The following SRGN variants were observed in gnomAD, a reference collection of about 807,000 sequenced individuals.
SRGN encodes serglycin.
A neutral mutation model predicts 9.5 loss-of-function variants in SRGN; 2 were observed. The observed-to-expected ratio is 0.21, with a 90% CI of 0.09 to 0.66. SRGN has a LOEUF of 0.66. Among genes scored for constraint, SRGN ranks in the 30% least tolerant of loss-of-function variants. SRGN has a pLI of 0.83. For missense variants in SRGN, 170 were observed against 192.4 expected, an observed-to-expected ratio of 0.88 and a Z score of 0.69; for synonymous variants, 59 against 72.3, an observed-to-expected ratio of 0.82 and a Z score of 0.93.
intron 1 of SRGN, among the ~76,000 whole-genome samples, chr10:69,090,096 A>T (rs961598223): frequency 2.0e-5 from 3 of 152,200 alleles, no homozygotes; most frequent in Admixed American, 6.5e-5. Flanking sequence ...GGCTCTCAGT[A>T]TCGGGCTCAA....
At chr10:69,097,766 C>T (rs1840208909) in intron 2 of SRGN, among the ~76,000 whole-genome samples, 9 of 152,088 alleles carry the variant, frequency 5.9e-5, no homozygotes, top group Admixed American at 5.2e-4. Flanking sequence ...CTTTCATCAT[C>T]TTGGCCAGGC....
chr10:69,092,439 T>C (rs1163433760), intron 1 of SRGN, among the ~76,000 whole-genome samples: 2 of 152,204 alleles, frequency 1.3e-5, no homozygotes, highest in African/African-American at 4.8e-5. Context: ...TATAAAATTT[T>C]AAAATAGCTT....
chr10:69,094,397 T>C (rs1281259758), intron 1 of SRGN, among the ~76,000 whole-genome samples: 7 of 152,196 alleles, frequency 4.6e-5, no homozygotes, highest in African/African-American at 1.7e-4. Flanking sequence ...TTAATGTTTA[T>C]GTTTTTAGAG....
At chr10:69,097,445 G>A (rs1294710201) in intron 2 of SRGN, among the ~76,000 whole-genome samples, 14 of 20,738 alleles carry the variant, frequency 6.8e-4, no homozygotes, top group Non-Finnish European at 1.9e-3. Flanking sequence ...TTTTTTTTTT[G>A]AGACGGAGTC....
At chr10:69,091,993 T>A (rs905304264) in intron 1 of SRGN, among the ~76,000 whole-genome samples, 1 of 149,252 alleles carries the variant, frequency 6.7e-6, no homozygotes, top group Non-Finnish European at 1.5e-5. Context: ...TATAAAAAGG[T>A]ATGGACTATT....
chr10:69,089,986 C>A lies in SRGN; in HGVS notation c.79+1750C>A, dbSNP rs370274163. Among the ~76,000 whole-genome samples the A allele has an allele frequency of 1.2e-4, 19 of 152,082 alleles. No homozygotes were observed. In the East Asian group the frequency reaches 1.5e-3, roughly 12 times the overall value. On this transcript the variant is annotated intron_variant, in intron 1 of 2. Coordinates refer to ENST00000242465, the MANE Select transcript of SRGN (RefSeq NM_002727.4). ...ATCATGAAATTGTATAGAATACTAG[C>A]ATTTATGTCATGACCTCGTAGGTTT...
chr10:69,087,846 T>C (rs1839969151), upstream of SRGN, among the ~76,000 whole-genome samples: 1 of 152,036 alleles, frequency 6.6e-6, no homozygotes, highest in Non-Finnish European at 1.5e-5. Flanking sequence ...ATGCTGATTC[T>C]ACTGTTTCGG....
chr10:69,089,464 G>T (rs1176614830), intron 1 of SRGN, among the ~76,000 whole-genome samples: 1 of 152,148 alleles, frequency 6.6e-6, no homozygotes, highest in African/African-American at 2.4e-5. Context: ...TGGCCAGATG[G>T]TGCTGGGCAT....
rs193137083 is a variant in SRGN at position 69,104,371 on chromosome 10, T to C, written c.*251T>C. 1.8e-3 allele frequency: 506 copies of C among 287,660 alleles called. 4 individuals carry two copies. In the Middle Eastern group the frequency reaches 0.027, roughly 15 times the overall value. The allele number at this position is 287,660 out of a possible 1,614,324, so 17.8% of individuals were successfully genotyped here. A position where few individuals can be genotyped will look rare whatever the true frequency, so the allele number is the denominator to read the frequency against. ...ATGTTCAACCAACATCATTATGAAA[T>C]TAATTAGATTCCCATGGCCATAAAA... On this transcript the variant is annotated 3_prime_UTR_variant, in exon 3 of 3. Transcript: ENST00000242465.
Sources: allele counts gnomAD v4.1 joint callset (sites outside exome capture counted in the v4.1 genomes callset), GRCh38; gene constraint gnomAD v4.1.1; transcripts MANE v1.5; gene names NCBI Gene and HGNC (gene_info 2026-07-23, HGNC 2026-07-21).